The following LRRC8D variants were observed in gnomAD, a reference collection of about 807,000 sequenced individuals.
LRRC8D encodes the protein leucine rich repeat containing 8 VRAC subunit D.
In LRRC8D, 20 loss-of-function variants were observed where a neutral mutation model predicts 55.8. The observed-to-expected ratio is 0.36, with a 90% CI of 0.25 to 0.52. The LOEUF (loss-of-function observed/expected upper bound fraction) is 0.52. Among genes scored for constraint, LRRC8D ranks in the 20% least tolerant of loss-of-function variants. The pLI, the probability that LRRC8D is intolerant of heterozygous loss-of-function variation, is 0.93. For synonymous variants in LRRC8D, 352 were observed against 377.0 expected, an observed-to-expected ratio of 0.93 and a Z score of 0.77; for missense variants, 651 against 1,030.8, an observed-to-expected ratio of 0.63 and a Z score of 5.05.
chr1:89,909,754 T>C (rs1240553843), intron 2 of LRRC8D, among the ~76,000 whole-genome samples: 1 of 150,820 alleles, frequency 6.6e-6, no homozygotes, highest in Non-Finnish European at 1.5e-5. Context: ...TAGTCCCAGC[T>C]ACTTAGGAGG....
At position 89,933,853 on chromosome 1, in the gene LRRC8D, C is replaced by A. The variant is rs749112053; in HGVS notation, c.785C>A (p.Ser262Ter). The change falls in exon 3 of 3, where the codon TCA (serine) becomes TAA (stop). Residue 262 changes from serine (S) to a stop codon, truncating the protein, a stop_gained. Transcript: ENST00000337338. LOFTEE classifies it high-confidence loss of function. The surrounding 1 kb of genome is among the most constrained non-coding windows in gnomAD (Gnocchi z 7.0). ...ATCAATAAAACTGGCTTTAAATTTT[C>A]AGCTGAGAAGCCTGTGATTGAAGTT... ...PMINKTGFKF[S>*]AEKPVIEVPS... The A allele has an allele frequency of 1.9e-6, 3 of 1,613,914 alleles. No individual in the cohort carries two copies. Among genetic ancestry groups the A allele is most frequent in the Non-Finnish European group, 2.5e-6 (3 of 1,179,876 alleles).
chr1:89,889,654 G>C (rs1032628864), intron 2 of LRRC8D, among the ~76,000 whole-genome samples: 2 of 151,664 alleles, frequency 1.3e-5, no homozygotes, highest in African/African-American at 2.4e-5. Context: ...GGCCGAGGCT[G>C]GTGGATCACT....
intron 2 of LRRC8D, among the ~76,000 whole-genome samples, chr1:89,901,886 C>T (rs868055073): frequency 5.3e-5 from 8 of 152,360 alleles, no homozygotes; most frequent in Middle Eastern, 3.4e-3. Context: ...TCTTCTTCCT[C>T]CTCCTAAACT....
At chr1:89,857,999 T>G (rs577975916) in intron 2 of LRRC8D, among the ~76,000 whole-genome samples, 63 of 152,208 alleles carry the variant, frequency 4.1e-4, no homozygotes, top group African/African-American at 1.4e-3. Context: ...GAGGCTGAGG[T>G]GGGTGGATCA....
chr1:89,838,384 AATAAG>A (rs771572528), intron 1 of LRRC8D, among the ~76,000 whole-genome samples: 5 of 151,746 alleles, frequency 3.3e-5, no homozygotes, highest in Non-Finnish European at 7.3e-5. Context: ...CAAAAATAAA[AATAAG>A]ATAAATAAGA....
chr1:89,854,254 G>T (rs141821512), intron 2 of LRRC8D, among the ~76,000 whole-genome samples: 1 of 152,206 alleles, frequency 6.6e-6, no homozygotes, highest in African/African-American at 2.4e-5. Context: ...GGGCCTTGAG[G>T]AGACAGCTGG....
At chr1:89,835,793 C>T (rs1302522076) in intron 1 of LRRC8D, among the ~76,000 whole-genome samples, 7 of 152,208 alleles carry the variant, frequency 4.6e-5, no homozygotes, top group Non-Finnish European at 8.8e-5. Flanking sequence ...TTAACACTCA[C>T]GTGTTAGCTG....
At chr1:89,913,877 A>T (rs1054239250) in intron 2 of LRRC8D, among the ~76,000 whole-genome samples, 2 of 152,192 alleles carry the variant, frequency 1.3e-5, no homozygotes, top group Non-Finnish European at 2.9e-5. Context: ...CGACATGCAG[A>T]TCCTCTCAGG....
chr1:89,885,973 T>C lies in LRRC8D; in HGVS notation c.-3+42191T>C, dbSNP rs553506398. On this transcript the variant is annotated intron_variant, in intron 2 of 2. Coordinates refer to ENST00000337338, the MANE Select transcript of LRRC8D (RefSeq NM_001134479.2). ...TTGCTTGGTCTTCACAATGTAAAAT[T>C]ATTCTGGTTTGTTGAGATGCTTTAC... Among the ~76,000 whole-genome samples, 11 of 152,302 alleles carry C rather than the reference T, an allele frequency of 7.2e-5. No individual in the cohort carries two copies. In the South Asian group the frequency reaches 2.3e-3, roughly 32 times the overall value.
chr1:89,912,787 C>T lies in LRRC8D; in HGVS notation c.-2-20280C>T, dbSNP rs114256279. ...AAATACTATTTTATGTTTATACTTCCACTTTAAGTCCTTAGTGTTTATAAA... is the reference window on the plus strand; with the variant it reads ...AAATACTATTTTATGTTTATACTTCTACTTTAAGTCCTTAGTGTTTATAAA... On this transcript the variant is annotated intron_variant, in intron 2 of 2. Transcript: ENST00000337338. 5.5e-3 allele frequency among the ~76,000 whole-genome samples: 832 copies of T among 152,072 alleles called. 10 individuals are homozygous for T. Among genetic ancestry groups the T allele is most frequent in the African/African-American group, 0.019 (798 of 41,474 alleles).
chr1:89,886,081 G>A (rs990865253), intron 2 of LRRC8D, among the ~76,000 whole-genome samples: 5 of 152,170 alleles, frequency 3.3e-5, no homozygotes, highest in African/African-American at 1.2e-4. Flanking sequence ...GAATAGTAAT[G>A]GGAGAATCTG....
At chr1:89,926,813 G>C (rs1663575713) in intron 2 of LRRC8D, among the ~76,000 whole-genome samples, 1 of 152,194 alleles carries the variant, frequency 6.6e-6, no homozygotes, top group Non-Finnish European at 1.5e-5. Context: ...AGAAGAAAAG[G>C]TAATCTGGTA....
chr1:89,867,010 T>G (rs556702238), intron 2 of LRRC8D, among the ~76,000 whole-genome samples: 19 of 152,212 alleles, frequency 1.2e-4, no homozygotes, highest in Non-Finnish European at 2.6e-4. Context: ...TTAACTGTTT[T>G]ATTGAGATAT....
intron 2 of LRRC8D, among the ~76,000 whole-genome samples, chr1:89,861,058 C>T (rs541880786): frequency 2.0e-5 from 3 of 152,008 alleles, no homozygotes; most frequent in South Asian, 4.2e-4. Context: ...CTGTCCAGGG[C>T]CTTAGCATCA....
In LRRC8D at chr1:89,891,108, G is replaced by A. The variant is rs144699946; in HGVS notation, c.-2-41959G>A. Among the ~76,000 whole-genome samples the A allele has an allele frequency of 1.2e-4, 18 of 152,082 alleles. No individual in the cohort carries two copies. In the East Asian group the frequency reaches 3.1e-3, roughly 26 times the overall value. The stretch of plus-strand genomic sequence containing the variant: ...TGTTAGCCAGGATGGTCTCGATCTC[G>A]TGACCTTGTGATCCGCCCGCCTCAG... On this transcript the variant is annotated intron_variant, in intron 2 of 2. Transcript: ENST00000337338.
rs192609231 is a variant in LRRC8D at position 89,845,997 on chromosome 1, T to A, written c.-3+2215T>A. On this transcript the variant is annotated intron_variant, in intron 2 of 2. Coordinates refer to ENST00000337338, the MANE Select transcript of LRRC8D (RefSeq NM_001134479.2). ...GGTTTATCCATGTTGGTCAGACTGG[T>A]CTAGAACTCCTCACCCCATGATCCA... Among the ~76,000 whole-genome samples, 58 of 152,246 alleles carry A rather than the reference T, an allele frequency of 3.8e-4. 2 individuals are homozygous for A. Among genetic ancestry groups the A allele is most frequent in the Admixed American group, 3.7e-3 (57 of 15,290 alleles).
chr1:89,899,504 A>G (rs1662795760), intron 2 of LRRC8D, among the ~76,000 whole-genome samples: 1 of 152,248 alleles, frequency 6.6e-6, no homozygotes. Context: ...TGTCCACCAG[A>G]CATTTTTGCA....
At position 89,843,669 on chromosome 1, in the gene LRRC8D, G is replaced by A. The variant is rs1198751849; in HGVS notation, c.-116G>A. 1 of 702,390 alleles carries A rather than the reference G, an allele frequency of 1.4e-6. No individual in the cohort carries two copies. The highest frequency in any genetic ancestry group is 1.7e-5 in the African/African-American group (1 of 57,358). The allele number at this position is 702,390 out of a possible 1,614,324, so 43.5% of individuals were successfully genotyped here. A position where few individuals can be genotyped will look rare whatever the true frequency, so the allele number is the denominator to read the frequency against. Reference sequence around the variant, plus strand: ...CACGGCTGTCTATAACGTGCTGCCGGGTCTCAGGATGGAGGAGTGAAGTCT... The same window carrying A: ...CACGGCTGTCTATAACGTGCTGCCGAGTCTCAGGATGGAGGAGTGAAGTCT... On this transcript the variant is annotated 5_prime_UTR_variant, in exon 2 of 3. Transcript: ENST00000337338.
chr1:89,878,200 G>A (rs923485383), intron 2 of LRRC8D, among the ~76,000 whole-genome samples: 1 of 152,222 alleles, frequency 6.6e-6, no homozygotes, highest in African/African-American at 2.4e-5. Context: ...GCCAGTGAGT[G>A]CAGCTTCTTG....
Sources: gnomAD v4.1 joint callset for allele counts (sites outside exome capture counted in the v4.1 genomes callset) on GRCh38, gnomAD v4.1.1 for gene constraint, Gnocchi (gnomAD v3.1) non-coding constraint, MANE v1.5 for transcripts, NCBI Gene and HGNC (gene_info 2026-07-23, HGNC 2026-07-21) for gene names.